The following SPTBN1 variants were observed in gnomAD, a reference collection of about 807,000 sequenced individuals.
SPTBN1 encodes spectrin beta chain, non-erythrocytic 1.
In SPTBN1, 32 loss-of-function variants were observed where a neutral mutation model predicts 266.4. The observed-to-expected ratio is 0.12, with a 90% confidence interval of 0.09 to 0.16. The LOEUF is 0.16. Ranked by LOEUF, SPTBN1 falls within the 10% of genes least tolerant of loss-of-function variation. The pLI, the probability that SPTBN1 is intolerant of heterozygous loss-of-function variation, is 1.00. For synonymous variants in SPTBN1, 1,336 were observed against 1,162.2 expected, an observed-to-expected ratio of 1.15 and a Z score of -3.04; for missense variants, 2,296 against 3,067.1, an observed-to-expected ratio of 0.75 and a Z score of 5.94.
At chr2:54,490,989 G>A (rs1175494522) in intron 1 of SPTBN1, among the ~76,000 whole-genome samples, 1 of 152,162 alleles carries the variant, frequency 6.6e-6, no homozygotes, top group Non-Finnish European at 1.5e-5. Context: ...CAAGTGAGGA[G>A]GGTGGTGAAA....
chr2:54,648,563 A>T (rs546783675), intron 24 of SPTBN1, among the ~76,000 whole-genome samples: 2 of 152,204 alleles, frequency 1.3e-5, no homozygotes, highest in Non-Finnish European at 2.9e-5. Context: ...ATTTTGCATT[A>T]ACTTATTTTC....
At chr2:54,499,525 C>A (rs1227475564) in intron 1 of SPTBN1, among the ~76,000 whole-genome samples, 1 of 152,130 alleles carries the variant, frequency 6.6e-6, no homozygotes, top group Non-Finnish European at 1.5e-5. Context: ...AACGTGGAGC[C>A]AAGGGGAGAG....
chr2:54,574,677 A>G (rs753012250), intron 2 of SPTBN1, among the ~76,000 whole-genome samples: 2 of 152,062 alleles, frequency 1.3e-5, no homozygotes, highest in Non-Finnish European at 2.9e-5. Context: ...GCACGTGGGG[A>G]ATCAGTGATC....
At chr2:54,562,534 T>TTTTTTTCTTTTTTC (rs1025962929) in intron 2 of SPTBN1, among the ~76,000 whole-genome samples, 2 of 16,546 alleles carry the variant, frequency 1.2e-4, no homozygotes, top group Non-Finnish European at 2.3e-4. Flanking sequence ...TTTCTTTTTC[T>TTTTTTTCTTTTTTC]TTTTTTTTTT....
chr2:54,622,600 T>TTAAG, intron 9 of SPTBN1, 113 bp downstream of exon 9: 1 of 1,205,960 alleles, frequency 8.3e-7, no homozygotes, highest in Non-Finnish European at 1.2e-6. Context: ...TGCCTTTCAG[T>TTAAG]AGTGTGTCCT....
At chr2:54,539,698 C>T (rs984929023) in intron 2 of SPTBN1, among the ~76,000 whole-genome samples, 1 of 152,124 alleles carries the variant, frequency 6.6e-6, no homozygotes, top group African/African-American at 2.4e-5. Context: ...CACCACCATG[C>T]CCAGCTAATT....
intron 2 of SPTBN1, among the ~76,000 whole-genome samples, chr2:54,556,462 T>TA (rs1672881959): frequency 6.6e-6 from 1 of 152,244 alleles, no homozygotes; most frequent in Non-Finnish European, 1.5e-5. Context: ...GAAAGGGAGA[T>TA]ACTGAGTGGT....
intron 1 of SPTBN1, among the ~76,000 whole-genome samples, chr2:54,512,984 G>A (rs1669934360): frequency 6.6e-6 from 1 of 152,154 alleles, no homozygotes; most frequent in Non-Finnish European, 1.5e-5. Context: ...GATCACTTGA[G>A]CCCAGGAGAC....
chr2:54,564,971 T>TA (rs1219688795), intron 2 of SPTBN1, among the ~76,000 whole-genome samples: 1 of 152,218 alleles, frequency 6.6e-6, no homozygotes, highest in Non-Finnish European at 1.5e-5. Flanking sequence ...AAGTCAGTGT[T>TA]ATAGACTCCC....
chr2:54,574,988 C>T (rs1332748962), intron 2 of SPTBN1, among the ~76,000 whole-genome samples: 1 of 152,116 alleles, frequency 6.6e-6, no homozygotes, highest in Non-Finnish European at 1.5e-5. Context: ...GAGGTGGCAG[C>T]CTCATTTAGC....
At chr2:54,546,960 A>G in intron 2 of SPTBN1, among the ~76,000 whole-genome samples, 1 of 54,906 alleles carries the variant, frequency 1.8e-5, no homozygotes, top group South Asian at 7.1e-4. Context: ...AATGGTGGTA[A>G]AAAAAAAAAA....
At chr2:54,528,255 T>C (rs182569335) in intron 2 of SPTBN1, 6 of 152,770 alleles carry the variant, frequency 3.9e-5, no homozygotes, top group Admixed American at 6.5e-5. Context: ...CCTTTGATCT[T>C]GAGTCTTACT....
chr2:54,493,418 G>A (rs1184949749), intron 1 of SPTBN1, among the ~76,000 whole-genome samples: 1 of 146,242 alleles, frequency 6.8e-6, no homozygotes, highest in Non-Finnish European at 1.5e-5. Context: ...TTTTTGGGGG[G>A]TTGGGGGAGA....
intron 2 of SPTBN1, among the ~76,000 whole-genome samples, chr2:54,566,658 C>T (rs2104500209): frequency 6.6e-6 from 1 of 152,088 alleles, no homozygotes. Flanking sequence ...TGGTGAAACC[C>T]TGTCTCTAAT....
chr2:54,528,874 G>GC (rs1051114652), intron 2 of SPTBN1, among the ~76,000 whole-genome samples: 25 of 146,590 alleles, frequency 1.7e-4, no homozygotes, highest in African/African-American at 6.6e-4. Flanking sequence ...GATACTGGAT[G>GC]GGGGGGCAGG....
intron 1 of SPTBN1, among the ~76,000 whole-genome samples, chr2:54,525,698 C>G (rs1412584127): frequency 6.6e-6 from 1 of 152,166 alleles, no homozygotes; most frequent in Non-Finnish European, 1.5e-5. Context: ...ATTCAGAAGC[C>G]CCACGTAGGT....
intron 32 of SPTBN1, chr2:54,661,428 A>G: frequency 2.0e-6 from 2 of 985,818 alleles, no homozygotes; most frequent in Non-Finnish European, 2.4e-6. Context: ...TTTTTATTTC[A>G]TGATGCATGT....
rs1182813853 is a variant in SPTBN1, at chr2:54,653,895, T to A, written c.5822+42T>A. On this transcript the variant is annotated intron_variant, in intron 27 of 35. Coordinates refer to ENST00000356805, the MANE Select transcript of SPTBN1 (RefSeq NM_003128.3). The surrounding 1 kb of genome is among the most constrained non-coding windows in gnomAD (Gnocchi z 5.1). ...AAAGGAAATTGGACTTATTGGCGCTTGGTTAAAACACAGGAGTCTTCCAGA... is the reference window on the plus strand; with the variant it reads ...AAAGGAAATTGGACTTATTGGCGCTAGGTTAAAACACAGGAGTCTTCCAGA... 1 of 1,592,964 alleles carries A rather than the reference T, an allele frequency of 6.3e-7. No individual in the cohort carries two copies.
chr2:54,562,946 C>T (rs1172320895), intron 2 of SPTBN1, among the ~76,000 whole-genome samples: 5 of 152,024 alleles, frequency 3.3e-5, no homozygotes, highest in African/African-American at 4.8e-5. Context: ...CTGGGAAAAA[C>T]GATTTTGTTG....
Sources: gnomAD v4.1 joint callset for allele counts (sites outside exome capture counted in the v4.1 genomes callset) on GRCh38, gnomAD v4.1.1 for gene constraint, Gnocchi (gnomAD v3.1) non-coding constraint, MANE v1.5 for transcripts, NCBI Gene and HGNC (gene_info 2026-07-23, HGNC 2026-07-21) for gene names.